Variants in TRIP4 observed in about 807,000 individuals in gnomAD.
TRIP4 encodes activating signal cointegrator 1.
A neutral mutation model predicts 81.8 loss-of-function variants in TRIP4; 54 were observed. The ratio of observed to expected loss-of-function variants is 0.66; its 90% CI spans 0.53 to 0.83. The LOEUF (loss-of-function observed/expected upper bound fraction) is 0.83. TRIP4 is among the 40% of genes least tolerant of loss of function. The pLI is 0.00. For synonymous variants in TRIP4, 270 were observed against 242.8 expected (o/e 1.11, Z -1.04); for missense variants, 662 against 683.6 (o/e 0.97, Z 0.35).
intron 11 of TRIP4, among the ~76,000 whole-genome samples, chr15:64,440,418 G>C (rs1418642718): frequency 1.3e-5 from 2 of 148,672 alleles, no homozygotes; most frequent in African/African-American, 4.9e-5. Flanking sequence ...ATGTAATGTG[G>C]TCTTTAGTGT....
intron 1 of TRIP4, 82 bp downstream of exon 1, chr15:64,388,046 AAAGTT>A (rs948752283): frequency 1.7e-5 from 25 of 1,456,730 alleles, no homozygotes; most frequent in African/African-American, 7.1e-5. Flanking sequence ...GGAGGACTGA[AAAGTT>A]AAGAGAGAAA....
chr15:64,403,085 A>G (rs1327207112), intron 5 of TRIP4, among the ~76,000 whole-genome samples: 1 of 149,310 alleles, frequency 6.7e-6, no homozygotes, highest in Non-Finnish European at 1.5e-5. Flanking sequence ...GATGGTCTCG[A>G]TCTCCTGACC....
At chr15:64,403,494 C>T (rs1210041310) in intron 5 of TRIP4, among the ~76,000 whole-genome samples, 1 of 152,154 alleles carries the variant, frequency 6.6e-6, no homozygotes, top group Non-Finnish European at 1.5e-5. Context: ...ACAATATACT[C>T]ATTACTCACT....
chr15:64,393,704 T>A, intron 1 of TRIP4: 1 of 308,366 alleles, frequency 3.2e-6, no homozygotes, highest in Non-Finnish European at 5.9e-6. Flanking sequence ...TTTAATTCCA[T>A]CACTCACTAG....
chr15:64,446,703 C>A (rs1249559600), intron 12 of TRIP4, among the ~76,000 whole-genome samples: 1 of 151,702 alleles, frequency 6.6e-6, no homozygotes, highest in Admixed American at 6.6e-5. Flanking sequence ...TACCTGGCCT[C>A]ATTTTAAAAA....
chr15:64,393,239 T>G (rs1427828646), intron 1 of TRIP4: 1 of 150,722 alleles, frequency 6.6e-6, no homozygotes, highest in Non-Finnish European at 1.5e-5. Context: ...AAGCTCTGTC[T>G]CCTGGGTTCA....
intron 12 of TRIP4, chr15:64,450,842 C>T: frequency 2.4e-6 from 1 of 415,334 alleles, no homozygotes; most frequent in Middle Eastern, 3.6e-4. Context: ...CTGAGCTGGT[C>T]TCACTTGAGG....
At chr15:64,405,560 A>G (rs1891604385) in intron 5 of TRIP4, among the ~76,000 whole-genome samples, 1 of 152,234 alleles carries the variant, frequency 6.6e-6, no homozygotes, top group African/African-American at 2.4e-5. Flanking sequence ...TTACAGGGTT[A>G]TTGCGAAAAT....
chr15:64,406,529 A>C (rs369611193), intron 6 of TRIP4, 70 bp downstream of exon 6: 4 of 1,546,858 alleles, frequency 2.6e-6, no homozygotes, highest in Non-Finnish European at 1.7e-6. Flanking sequence ...TTATTTTGGT[A>C]CTTGATACCT....
At chr15:64,425,271 A>T (rs1892116354) in intron 10 of TRIP4, among the ~76,000 whole-genome samples, 1 of 152,088 alleles carries the variant, frequency 6.6e-6, no homozygotes, top group Admixed American at 6.6e-5. Context: ...ATTAGGATGA[A>T]TTTGTGGGGT....
At chr15:64,440,990 A>ATT (rs1396061395) in intron 11 of TRIP4, among the ~76,000 whole-genome samples, 7 of 144,870 alleles carry the variant, frequency 4.8e-5, no homozygotes, top group African/African-American at 5.0e-5. Flanking sequence ...TGGTAAATTC[A>ATT]TTTTTTTTTT....
chr15:64,428,105 A>T (rs1462839678), intron 11 of TRIP4, among the ~76,000 whole-genome samples: 1 of 152,190 alleles, frequency 6.6e-6, no homozygotes, highest in Non-Finnish European at 1.5e-5. Context: ...GCGTTCTAAA[A>T]GAGAACCCAG....
At chr15:64,407,879 T>C (rs1398164650) in intron 6 of TRIP4, among the ~76,000 whole-genome samples, 1 of 151,934 alleles carries the variant, frequency 6.6e-6, no homozygotes, top group Non-Finnish European at 1.5e-5. Flanking sequence ...GACGGATTGC[T>C]TGAGCCTGTA....
At chr15:64,418,318 G>T (rs894898882) in intron 8 of TRIP4, among the ~76,000 whole-genome samples, 1 of 152,158 alleles carries the variant, frequency 6.6e-6, no homozygotes, top group African/African-American at 2.4e-5. Flanking sequence ...CACCATGTTA[G>T]CCAGACTGGC....
In TRIP4 at chr15:64,395,503, A is replaced by T. The variant is rs1200888236; in HGVS notation, c.377A>T (p.Glu126Val). ...TTTACTGAACCTGACACGACTGCAG[A>T]GGTTAAAACACCTTTTGATTTGGCC... ...PAFTEPDTTA[E>V]VKTPFDLAKA... is the part of the protein sequence containing the mutation. Residue 126 changes from glutamate (E) to valine (V), a missense_variant, in exon 3 of 13, where the codon GAG (glutamate) becomes GTG (valine). Physicochemically the swap from Glu to Val is moderately radical, Grantham distance 121 (BLOSUM62 -2). Transcript: ENST00000261884. The T allele has an allele frequency of 1.9e-6, 3 of 1,612,124 alleles. No homozygotes were observed. The highest frequency in any genetic ancestry group is 2.5e-6 in the Non-Finnish European group (3 of 1,178,982).
At chr15:64,416,172 A>G (rs1162544825) in intron 8 of TRIP4, among the ~76,000 whole-genome samples, 2 of 152,122 alleles carry the variant, frequency 1.3e-5, no homozygotes, top group Non-Finnish European at 2.9e-5. Flanking sequence ...TGGAGGCTGC[A>G]GTGAGCTATG....
intron 11 of TRIP4, among the ~76,000 whole-genome samples, chr15:64,444,100 C>T (rs956995225): frequency 6.6e-6 from 1 of 152,162 alleles, no homozygotes; most frequent in Non-Finnish European, 1.5e-5. Context: ...GAAGGCTTAT[C>T]TTAGCAGTCA....
At chr15:64,403,005 G>A (rs1220598487) in intron 5 of TRIP4, among the ~76,000 whole-genome samples, 4 of 151,806 alleles carry the variant, frequency 2.6e-5, no homozygotes, top group Admixed American at 2.6e-4. Flanking sequence ...GACTGGCGAC[G>A]CCCGCCACCA....
chr15:64,419,568 C>T (rs1050351007), intron 9 of TRIP4, among the ~76,000 whole-genome samples: 5 of 151,624 alleles, frequency 3.3e-5, no homozygotes, highest in Admixed American at 2.6e-4. Flanking sequence ...CCTTGTTAGC[C>T]AGGCTGGTCT....
Sources: allele counts gnomAD v4.1 joint callset (sites outside exome capture counted in the v4.1 genomes callset), GRCh38; gene constraint gnomAD v4.1.1; transcripts MANE v1.5; gene names NCBI Gene and HGNC (gene_info 2026-07-23, HGNC 2026-07-21).